DPYSL2: variants seen among roughly 807,000 people sequenced by gnomAD.
The protein encoded by DPYSL2 is dihydropyrimidinase like 2.
Under a neutral mutation model 69.9 loss-of-function variants are expected in DPYSL2, and 13 were observed. The observed-to-expected ratio is 0.19, with a 90% CI of 0.12 to 0.30. The LOEUF (loss-of-function observed/expected upper bound fraction) is 0.30, where lower values mean the gene tolerates loss of function less well. DPYSL2 is among the 10% of genes least tolerant of loss of function. The pLI is 1.00. For synonymous variants in DPYSL2, 326 were observed against 359.1 expected (o/e 0.91, Z 1.04); for missense variants, 587 against 918.9 (o/e 0.64, Z 4.67).
At chr8:26,549,732 G>A (rs1454950770) in intron 1 of DPYSL2, among the ~76,000 whole-genome samples, 3 of 152,182 alleles carry the variant, frequency 2.0e-5, no homozygotes, top group Non-Finnish European at 2.9e-5. Flanking sequence ...TTTCTCTTGA[G>A]ACCCATACAA....
At chr8:26,515,152 A>G (rs1024564347) in intron 1 of DPYSL2, among the ~76,000 whole-genome samples, 3 of 152,096 alleles carry the variant, frequency 2.0e-5, no homozygotes, top group Non-Finnish European at 4.4e-5. Flanking sequence ...GCCGCTCCCT[A>G]CAGCCTCCGC....
At chr8:26,561,647 T>C (rs1013886342) in intron 1 of DPYSL2, among the ~76,000 whole-genome samples, 13 of 152,110 alleles carry the variant, frequency 8.5e-5, no homozygotes, top group Non-Finnish European at 1.3e-4. Flanking sequence ...ACCAGTTTCA[T>C]AGAAGACCAT....
intron 3 of DPYSL2, among the ~76,000 whole-genome samples, chr8:26,601,479 G>A (rs565191508): frequency 6.6e-6 from 1 of 152,158 alleles, no homozygotes; most frequent in South Asian, 2.1e-4. Flanking sequence ...CTGGGTTCAC[G>A]CCATTCTCCT....
chr8:26,555,920 A>G (rs972984419), intron 1 of DPYSL2, among the ~76,000 whole-genome samples: 3 of 135,162 alleles, frequency 2.2e-5, no homozygotes, highest in Non-Finnish European at 4.6e-5. Context: ...TATATATATT[A>G]GCATATATAC....
chr8:26,554,236 T>A (rs1441523288), intron 1 of DPYSL2, among the ~76,000 whole-genome samples: 2 of 152,156 alleles, frequency 1.3e-5, no homozygotes, highest in East Asian at 3.8e-4. Context: ...TGAGATGGTA[T>A]CTCATTGTGG....
In DPYSL2 at chr8:26,598,447, C is replaced by T. The variant is rs956710080; in HGVS notation, c.628+14464C>T. Among the ~76,000 whole-genome samples the T allele has an allele frequency of 3.3e-5, 5 of 152,160 alleles. No homozygotes were observed. The highest frequency in any genetic ancestry group is 7.3e-5 in the Non-Finnish European group (5 of 68,034). ...TTAGAGAGTTCTTTTCCCTCCTGCT[C>T]TATGAAAACGTATTTTCCATGTTAA... is the stretch of plus-strand genomic sequence containing the variant. On this transcript the variant is annotated intron_variant, in intron 3 of 13. Coordinates refer to ENST00000521913, the MANE Select transcript of DPYSL2 (RefSeq NM_001197293.3). This position sits in a 1 kb window ranked among gnomAD's most constrained non-coding sequence, Gnocchi z 4.2.
At chr8:26,535,825 G>T (rs1800582506) in intron 1 of DPYSL2, among the ~76,000 whole-genome samples, 1 of 151,818 alleles carries the variant, frequency 6.6e-6, no homozygotes, top group South Asian at 2.1e-4. Context: ...ACAAACAGTG[G>T]CGTTGTCCTT....
Position 26,577,785 on chromosome 8 carries a change from G to C in DPYSL2, c.355-4184G>C. 3.0e-6 allele frequency: 3 copies of C among 990,512 alleles called. No individual in the cohort carries two copies. The South Asian group carries it at 1.3e-4, about 44-fold the overall frequency. 61.4% of individuals were successfully genotyped at this position (990,512 alleles called of 1,614,324 possible). A position where few individuals can be genotyped will look rare whatever the true frequency, so the allele number is the denominator to read the frequency against. On this transcript the variant is annotated intron_variant, in intron 1 of 13. Transcript: ENST00000521913. ...CCGGCCGTTCACTGCCGCATTTCGC[G>C]CTCTCGCGCCGCGCCCCGCCCCACC...
At chr8:26,636,365 A>T (rs1451894125) in intron 8 of DPYSL2, among the ~76,000 whole-genome samples, 1 of 152,120 alleles carries the variant, frequency 6.6e-6, no homozygotes, top group African/African-American at 2.4e-5. Flanking sequence ...TAGTGTGGGG[A>T]TGGTTGGCAT....
At chr8:26,596,489 C>T (rs763955018) in intron 3 of DPYSL2, among the ~76,000 whole-genome samples, 1 of 152,240 alleles carries the variant, frequency 6.6e-6, no homozygotes, top group Non-Finnish European at 1.5e-5. Context: ...CTCTGGACCT[C>T]TCCACAGACC....
chr8:26,533,788 A>G lies in DPYSL2; in HGVS notation c.354+19109A>G, dbSNP rs1157932812. ...GGACTCCTGGAGATCCCAGATGGAG[A>G]AAAGATGGTAGAAGAATTGAGGCTT... On this transcript the variant is annotated intron_variant, in intron 1 of 13. Transcript: ENST00000521913. The surrounding 1 kb of genome is among the most constrained non-coding windows in gnomAD (Gnocchi z 4.8). Among the ~76,000 whole-genome samples, 1 of 152,232 alleles carries G rather than the reference A, an allele frequency of 6.6e-6. No individual in the cohort carries two copies. Among genetic ancestry groups the G allele is most frequent in the South Asian group, 2.1e-4 (1 of 4,828 alleles).
In DPYSL2 at chr8:26,652,332, G is replaced by T; in HGVS notation, c.1672G>T (p.Val558Phe). The T allele has an allele frequency of 6.2e-7, 1 of 1,614,242 alleles. No individual in the cohort carries two copies. Among genetic ancestry groups the T allele is most frequent in the Non-Finnish European group, 8.5e-7 (1 of 1,180,042 alleles). ...GGTGGTCATCAGCCAGGGGAAGATT[G>T]TCCTGGAGGACGGCACCCTGCATGT... is the stretch of plus-strand genomic sequence containing the variant. Reference protein sequence around the residue: ...PLVVISQGKIVLEDGTLHVTE... With the variant: ...PLVVISQGKIFLEDGTLHVTE... The change falls in exon 12 of 14, where the codon GTC (valine) becomes TTC (phenylalanine). Residue 558 changes from valine (V) to phenylalanine (F), a missense_variant. Around this residue, in one of 3 missense-constraint regions of DPYSL2, gnomAD observed 452 missense variants for 754.3 expected, o/e 0.60. Transcript: ENST00000521913. The surrounding 1 kb of genome is among the most constrained non-coding windows in gnomAD (Gnocchi z 6.3).
Position 26,514,541 on chromosome 8 carries a change from C to A in DPYSL2, c.216C>A (p.Ala72=). 6.5e-7 allele frequency: 1 copy of A among 1,529,392 alleles called. No homozygotes were observed. Among genetic ancestry groups the A allele is most frequent in the Non-Finnish European group, 8.7e-7 (1 of 1,144,192 alleles). The allele number at this position is 1,529,392 out of a possible 1,614,324, so 94.7% of individuals were successfully genotyped here. ...TGGTGGCTCAGCAGCGGGACGTCGC[C>A]CACTTGGGCCCGGACCCGCAGCCGC... is the stretch of plus-strand genomic sequence containing the variant. ...GQVVAQQRDV[A]HLGPDPQPPY... is the part of the protein sequence containing the mutation. Residue 72 remains alanine (A), a synonymous_variant, in exon 1 of 14, where the codon GCC becomes GCA. Transcript: ENST00000521913. This position sits in a 1 kb window ranked among gnomAD's most constrained non-coding sequence, Gnocchi z 8.4.
At chr8:26,592,179 A>G (rs1460277589) in intron 3 of DPYSL2, among the ~76,000 whole-genome samples, 3 of 152,180 alleles carry the variant, frequency 2.0e-5, no homozygotes, top group African/African-American at 7.2e-5. Context: ...TTTATTTTTT[A>G]GAAACGGTGT....
intron 1 of DPYSL2, among the ~76,000 whole-genome samples, chr8:26,536,959 T>G (rs895947448): frequency 6.6e-6 from 1 of 152,158 alleles, no homozygotes; most frequent in Non-Finnish European, 1.5e-5. Context: ...TATTTGGGAA[T>G]AGGTGAGAAA....
rs531037668 is a variant in DPYSL2, at chr8:26,656,339, C to G, written c.*633C>G. 2.0e-5 allele frequency: 3 copies of G among 152,594 alleles called. No homozygotes were observed. In the South Asian group the frequency reaches 6.2e-4, roughly 32 times the overall value. The allele number at this position is 152,594 out of a possible 1,614,324, so 9.5% of individuals were successfully genotyped here. A position where few individuals can be genotyped will look rare whatever the true frequency, so the allele number is the denominator to read the frequency against. ...TCCTGAGAGGCTCCACAATGCCCACCCGCATCGCCATTCTGTAGTCTTCAG... is the reference window on the plus strand; with the variant it reads ...TCCTGAGAGGCTCCACAATGCCCACGCGCATCGCCATTCTGTAGTCTTCAG... On this transcript the variant is annotated 3_prime_UTR_variant, in exon 14 of 14. Coordinates refer to ENST00000521913, the MANE Select transcript of DPYSL2 (RefSeq NM_001197293.3).
intron 1 of DPYSL2, among the ~76,000 whole-genome samples, chr8:26,545,684 T>C (rs1022867631): frequency 6.6e-6 from 1 of 152,128 alleles, no homozygotes; most frequent in Admixed American, 6.6e-5. Flanking sequence ...GGAGAATCAC[T>C]TGAACCCGGG....
rs535259962 is a variant in DPYSL2, at chr8:26,562,994, G to A, written c.355-18975G>A. On this transcript the variant is annotated intron_variant, in intron 1 of 13. Transcript: ENST00000521913. The surrounding 1 kb of genome is among the most constrained non-coding windows in gnomAD (Gnocchi z 4.9). ...GCTTCTTTACAGCATGGTGGCGTTAGGGTAGCTGGATTTCCCACACCTGTG... is the reference window on the plus strand; with the variant it reads ...GCTTCTTTACAGCATGGTGGCGTTAAGGTAGCTGGATTTCCCACACCTGTG... 1.2e-4 allele frequency among the ~76,000 whole-genome samples: 18 copies of A among 152,236 alleles called. No individual in the cohort carries two copies. The East Asian group carries it at 1.9e-3, about 16-fold the overall frequency.
At chr8:26,649,187 T>C (rs1191707785) in intron 11 of DPYSL2, among the ~76,000 whole-genome samples, 1 of 152,244 alleles carries the variant, frequency 6.6e-6, no homozygotes, top group Non-Finnish European at 1.5e-5. Context: ...AAGTGACCAG[T>C]CTAATGTTAC....
Sources: gnomAD v4.1 joint callset for allele counts (sites outside exome capture counted in the v4.1 genomes callset) on GRCh38, gnomAD v4.1.1 for gene constraint, gnomAD v4.1.1 regional missense constraint, Gnocchi (gnomAD v3.1) non-coding constraint, MANE v1.5 for transcripts, NCBI Gene and HGNC (gene_info 2026-07-23, HGNC 2026-07-21) for gene names.